The following DMD variants were observed in gnomAD, a reference collection of about 807,000 sequenced individuals.
DMD encodes the protein mutant dystrophin.
Under a neutral mutation model 330.1 loss-of-function variants are expected in DMD, and 63 were observed. The observed-to-expected ratio is 0.19, with a 90% CI of 0.16 to 0.24. The LOEUF (loss-of-function observed/expected upper bound fraction) is 0.24, where lower values mean the gene tolerates loss of function less well. Ranked by LOEUF, DMD falls within the 10% of genes least tolerant of loss-of-function variation. DMD has a pLI of 1.00. For synonymous variants in DMD, 1,223 were observed against 959.8 expected (o/e 1.27, Z -5.07); for missense variants, 3,344 against 2,684.1 (o/e 1.25, Z -5.43).
intron 45 of DMD, among the ~76,000 whole-genome samples, chrX:31,954,302 TCAC>T (rs1386406606): frequency 9.0e-6 from 1 of 111,644 alleles, no homozygotes; most frequent in Non-Finnish European, 1.9e-5. Flanking sequence ...CTTCTCCTCC[TCAC>T]TTTTTTTTAT....
At chrX:33,188,410 T>C (rs1294788093) in intron 1 of DMD, among the ~76,000 whole-genome samples, 1 of 110,974 alleles carries the variant, frequency 9.0e-6, no homozygotes, top group Non-Finnish European at 1.9e-5. Flanking sequence ...TGCCCTCTGG[T>C]ACTTTGTGGT....
chrX:32,363,238 T>G lies in DMD; in HGVS notation c.5155-280A>C, dbSNP rs567409423. Among the ~76,000 whole-genome samples the G allele has an allele frequency of 8.0e-4, 90 of 112,010 alleles. No individual in the cohort carries two copies. The Middle Eastern group carries it at 0.014, about 17-fold the overall frequency. On this transcript the variant is annotated intron_variant, in intron 36 of 78. Transcript: ENST00000357033. ...ATGTCTATTTAAAATGTTTATTTAG[T>G]CCGAGGAAGGACAGGGATGTTTTCC...
At chrX:31,901,806 T>G (rs2149815383) in intron 47 of DMD, among the ~76,000 whole-genome samples, 1 of 111,867 alleles carries the variant, frequency 8.9e-6, no homozygotes, top group African/African-American at 3.2e-5. Flanking sequence ...TTACCGTTTC[T>G]AATGTATTTA....
At chrX:31,282,604 C>A (rs2052708148) in intron 62 of DMD, among the ~76,000 whole-genome samples, 1 of 110,793 alleles carries the variant, frequency 9.0e-6, no homozygotes, top group Non-Finnish European at 1.9e-5. Flanking sequence ...TTTGGTAAAA[C>A]AGTTTTCAGA....
intron 45 of DMD, among the ~76,000 whole-genome samples, chrX:31,950,609 G>A (rs896256692): frequency 9.0e-6 from 1 of 110,665 alleles, no homozygotes; most frequent in Non-Finnish European, 1.9e-5. Flanking sequence ...AATAATTGTT[G>A]AATTGTCTAG....
At chrX:32,194,164 T>G (rs1325502238) in intron 44 of DMD, among the ~76,000 whole-genome samples, 1 of 112,566 alleles carries the variant, frequency 8.9e-6, no homozygotes, top group African/African-American at 3.2e-5. Flanking sequence ...TAAAAGAATT[T>G]CAACTGTTGA....
chrX:32,994,185 T>A (rs1371406777), intron 2 of DMD, among the ~76,000 whole-genome samples: 1 of 110,583 alleles, frequency 9.0e-6, no homozygotes, highest in Non-Finnish European at 1.9e-5. Context: ...ATAATTCTTT[T>A]CTGATCTGCT....
At chrX:32,889,470 G>A (rs1259337241) in intron 2 of DMD, among the ~76,000 whole-genome samples, 1 of 110,560 alleles carries the variant, frequency 9.0e-6, no homozygotes, top group Admixed American at 9.6e-5. Flanking sequence ...ATCAGTGTCA[G>A]GACTCTGAGC....
intron 54 of DMD, among the ~76,000 whole-genome samples, chrX:31,631,294 T>G (rs187345759): frequency 9.0e-6 from 1 of 110,852 alleles, no homozygotes; most frequent in Admixed American, 9.7e-5. Flanking sequence ...CTGAAATACT[T>G]CTGACCCCAG....
intron 1 of DMD, among the ~76,000 whole-genome samples, chrX:33,129,325 CTTTTTTTTTTTTTTTTTTT>C (rs58505662): frequency 6.5e-5 from 2 of 30,720 alleles, no homozygotes; most frequent in Non-Finnish European, 5.2e-5. Context: ...TTAAGGTTTG[CTTTTTTTTTTTTTTTTTTT>C]TTTTTTTTTT....
intron 60 of DMD, among the ~76,000 whole-genome samples, chrX:31,396,585 A>C (rs1401409606): frequency 2.4e-4 from 20 of 82,859 alleles, no homozygotes; most frequent in Non-Finnish European, 4.4e-4. Flanking sequence ...TCTCTCCATA[A>C]TGTGCTATTA....
At chrX:32,905,380 A>G (rs757838322) in intron 2 of DMD, among the ~76,000 whole-genome samples, 1 of 111,976 alleles carries the variant, frequency 8.9e-6, no homozygotes, top group African/African-American at 3.2e-5. Context: ...TCCAGTTACC[A>G]TAAAAAGACA....
chrX:33,201,369 T>C (rs2051258799), intron 1 of DMD, among the ~76,000 whole-genome samples: 1 of 112,101 alleles, frequency 8.9e-6, no homozygotes, highest in South Asian at 3.7e-4. Context: ...TATGTAGATA[T>C]GTGTGCATTC....
chrX:32,603,556 TA>T (rs1478023838), intron 12 of DMD, among the ~76,000 whole-genome samples: 2 of 109,634 alleles, frequency 1.8e-5, no homozygotes, highest in African/African-American at 3.3e-5. Flanking sequence ...GACAAAAAAT[TA>T]AAAAAATTAG....
At chrX:32,379,280 T>C (rs906187408) in intron 34 of DMD, among the ~76,000 whole-genome samples, 1 of 109,249 alleles carries the variant, frequency 9.2e-6, no homozygotes, top group African/African-American at 3.3e-5. Flanking sequence ...TCCAGGCAGA[T>C]TCAACAAGCA....
chrX:32,833,868 A>G (rs1439846443), intron 4 of DMD, among the ~76,000 whole-genome samples: 1 of 110,566 alleles, frequency 9.0e-6, no homozygotes, highest in Non-Finnish European at 1.9e-5. Flanking sequence ...TTGAATATAC[A>G]AGAAATGTGT....
chrX:31,839,784 T>A, intron 48 of DMD, among the ~76,000 whole-genome samples: 1 of 112,187 alleles, frequency 8.9e-6, no homozygotes, highest in South Asian at 3.6e-4. Context: ...TTAGCATTTA[T>A]ATGATTTAGC....
intron 4 of DMD, among the ~76,000 whole-genome samples, chrX:32,833,180 T>A (rs1002152309): frequency 2.2e-4 from 25 of 111,620 alleles, no homozygotes; most frequent in African/African-American, 8.1e-4. Flanking sequence ...TCCTCTATAT[T>A]TCAGATATGT....
intron 44 of DMD, among the ~76,000 whole-genome samples, chrX:32,129,731 GA>G (rs1230567801): frequency 7.5e-5 from 7 of 93,492 alleles, no homozygotes; most frequent in African/African-American, 3.8e-4. Flanking sequence ...GAGGGAGGGA[GA>G]GAGAGAGAGA....
Sources: allele counts gnomAD v4.1 joint callset (sites outside exome capture counted in the v4.1 genomes callset), GRCh38; gene constraint gnomAD v4.1.1; transcripts MANE v1.5; gene names NCBI Gene and HGNC (gene_info 2026-07-23, HGNC 2026-07-21).